The following PTPRN2 variants were observed in gnomAD, a reference collection of about 807,000 sequenced individuals.
The protein encoded by PTPRN2 is protein tyrosine phosphatase receptor type N2.
A neutral mutation model predicts 118.8 loss-of-function variants in PTPRN2; 74 were observed. The ratio of observed to expected loss-of-function variants is 0.62; its 90% confidence interval spans 0.52 to 0.76. The LOEUF (loss-of-function observed/expected upper bound fraction) is 0.76, where lower values mean the gene tolerates loss of function less well. Ranked by LOEUF, PTPRN2 falls within the 30% of genes least tolerant of loss-of-function variation. PTPRN2 has a pLI of 0.00. For synonymous variants in PTPRN2, 641 were observed against 608.0 expected (o/e 1.05, Z -0.80); for missense variants, 1,481 against 1,394.4 (o/e 1.06, Z -0.99).
chr7:157,809,365 T>G (rs113541883), intron 12 of PTPRN2, among the ~76,000 whole-genome samples: 1,009 of 148,248 alleles, frequency 6.8e-3, no homozygotes, highest in African/African-American at 0.024. Context: ...ACTCTGGCCC[T>G]GGAGGGGGCT....
intron 11 of PTPRN2, among the ~76,000 whole-genome samples, chr7:158,073,814 C>T (rs1039294115): frequency 3.9e-5 from 6 of 152,196 alleles, no homozygotes; most frequent in South Asian, 2.1e-4. Context: ...GGCAGCCTCG[C>T]ATCATGGAAG....
intron 6 of PTPRN2, among the ~76,000 whole-genome samples, chr7:158,150,650 T>C (rs560906943): frequency 3.9e-5 from 6 of 152,144 alleles, no homozygotes; most frequent in African/African-American, 1.4e-4. Context: ...AATTCCACCC[T>C]TGTGAACATA....
At chr7:158,214,961 C>A (rs1048819880) in intron 3 of PTPRN2, among the ~76,000 whole-genome samples, 3 of 151,888 alleles carry the variant, frequency 2.0e-5, no homozygotes, top group African/African-American at 7.3e-5. Flanking sequence ...GTCCAGATTT[C>A]AAAAGAAAAT....
At chr7:158,194,420 G>A (rs1826047258) in intron 4 of PTPRN2, among the ~76,000 whole-genome samples, 1 of 152,210 alleles carries the variant, frequency 6.6e-6, no homozygotes, top group Admixed American at 6.5e-5. Context: ...ACAGACAAGG[G>A]CAGGGCCCTC....
intron 12 of PTPRN2, among the ~76,000 whole-genome samples, chr7:157,733,977 T>C (rs866267279): frequency 2.2e-5 from 1 of 44,918 alleles, no homozygotes; most frequent in African/African-American, 8.3e-5. Flanking sequence ...CCCTTTCCCG[T>C]CCCATGCGCC....
intron 12 of PTPRN2, among the ~76,000 whole-genome samples, chr7:157,689,285 A>T (rs1563347677): frequency 6.6e-6 from 1 of 152,192 alleles, no homozygotes; most frequent in African/African-American, 2.4e-5. Context: ...GGTTTGGCGA[A>T]GACCCCTCGG....
chr7:157,620,658 C>G (rs1355644268), intron 15 of PTPRN2, among the ~76,000 whole-genome samples: 2 of 152,196 alleles, frequency 1.3e-5, no homozygotes, highest in Non-Finnish European at 2.9e-5. Flanking sequence ...AACAATAGAG[C>G]TGATGCTCAC....
chr7:157,688,754 T>G (rs1013139694), intron 12 of PTPRN2, among the ~76,000 whole-genome samples: 1 of 152,038 alleles, frequency 6.6e-6, no homozygotes, highest in Non-Finnish European at 1.5e-5. Flanking sequence ...TCAGAACCCC[T>G]CTGTGGCACG....
intron 11 of PTPRN2, among the ~76,000 whole-genome samples, chr7:157,914,182 G>A (rs1034330862): frequency 3.4e-4 from 52 of 152,060 alleles, no homozygotes; most frequent in Non-Finnish European, 4.4e-4. Flanking sequence ...TATGACAAAG[G>A]AGGTTTCTCA....
At chr7:157,600,430 G>T (rs542637370) in intron 16 of PTPRN2, among the ~76,000 whole-genome samples, 2 of 152,190 alleles carry the variant, frequency 1.3e-5, no homozygotes, top group East Asian at 3.9e-4. Flanking sequence ...AGATTGACTT[G>T]TTTTTTTTGA....
chr7:157,849,506 G>A (rs1284912630), intron 12 of PTPRN2, among the ~76,000 whole-genome samples: 1 of 152,206 alleles, frequency 6.6e-6, no homozygotes, highest in Non-Finnish European at 1.5e-5. Context: ...GCCACTCAGA[G>A]TGACCAGCCT....
At chr7:157,724,451 G>GT (rs1458816256) in intron 12 of PTPRN2, among the ~76,000 whole-genome samples, 2 of 152,198 alleles carry the variant, frequency 1.3e-5, no homozygotes, top group African/African-American at 4.8e-5. Context: ...ATTTTGATAT[G>GT]TATTCAGTTC....
intron 10 of PTPRN2, among the ~76,000 whole-genome samples, chr7:158,090,822 A>G (rs1814055829): frequency 6.6e-6 from 1 of 152,182 alleles, no homozygotes; most frequent in Admixed American, 6.5e-5. Context: ...AAATACATAT[A>G]ATTATCTGCC....
chr7:157,616,548 A>T (rs1479807917), intron 15 of PTPRN2: 1 of 152,234 alleles, frequency 6.6e-6, no homozygotes, highest in Non-Finnish European at 1.5e-5. Context: ...TTTTCTTTCC[A>T]ACACCAACAA....
intron 4 of PTPRN2, among the ~76,000 whole-genome samples, chr7:158,198,110 T>C (rs1230886417): frequency 6.6e-6 from 1 of 152,220 alleles, no homozygotes; most frequent in East Asian, 1.9e-4. Context: ...TTTCTGGTAT[T>C]TTGTCTACTT....
intron 14 of PTPRN2, among the ~76,000 whole-genome samples, chr7:157,623,725 G>A (rs1160795903): frequency 6.6e-6 from 1 of 152,172 alleles, no homozygotes; most frequent in Non-Finnish European, 1.5e-5. Context: ...CTGACGCGAT[G>A]TTTTTTCACG....
At chr7:158,191,623 G>T (rs149663579) in intron 5 of PTPRN2, among the ~76,000 whole-genome samples, 86 of 152,286 alleles carry the variant, frequency 5.6e-4, no homozygotes, top group African/African-American at 2.0e-3. Context: ...AATTTACTGA[G>T]ATTCCTAATT....
chr7:158,081,505 C>A (rs549631632), intron 10 of PTPRN2, 128 bp from the exon 11 acceptor site: 3 of 813,190 alleles, frequency 3.7e-6, no homozygotes, highest in Non-Finnish European at 6.1e-6. Flanking sequence ...TGGCTCCAGG[C>A]GTCGACTCCA....
intron 10 of PTPRN2, among the ~76,000 whole-genome samples, chr7:158,094,964 T>C (rs1194035920): frequency 6.6e-6 from 1 of 152,126 alleles, no homozygotes; most frequent in African/African-American, 2.4e-5. Flanking sequence ...CTGCCAGCCT[T>C]CAAACAACTC....
Sources: allele counts gnomAD v4.1 joint callset (sites outside exome capture counted in the v4.1 genomes callset), GRCh38; gene constraint gnomAD v4.1.1; transcripts MANE v1.5; gene names NCBI Gene and HGNC (gene_info 2026-07-23, HGNC 2026-07-21).